COL5A2: variants seen among roughly 807,000 people sequenced by gnomAD.
COL5A2 encodes collagen alpha-2(V) chain.
A neutral mutation model predicts 208.2 loss-of-function variants in COL5A2; 23 were observed. The ratio of observed to expected loss-of-function variants is 0.11; its 90% CI spans 0.08 to 0.16. The LOEUF (loss-of-function observed/expected upper bound fraction) is 0.16, where lower values mean the gene tolerates loss of function less well. Among genes scored for constraint, COL5A2 ranks in the 10% least tolerant of loss-of-function variants. COL5A2 has a pLI of 1.00. For missense variants in COL5A2, 1,590 were observed against 1,956.4 expected, an observed-to-expected ratio of 0.81 and a Z score of 3.53; for synonymous variants, 625 against 628.5, an observed-to-expected ratio of 0.99 and a Z score of 0.08.
At chr2:189,136,600 T>C (rs1401641402) in intron 1 of COL5A2, among the ~76,000 whole-genome samples, 2 of 151,140 alleles carry the variant, frequency 1.3e-5, no homozygotes, top group Non-Finnish European at 3.0e-5. Context: ...ACATAAACAC[T>C]ATGAAATTTT....
chr2:189,190,324 A>T (rs1576580970), intron 1 of COL5A2, among the ~76,000 whole-genome samples: 2 of 152,254 alleles, frequency 1.3e-5, no homozygotes, highest in East Asian at 3.9e-4. Flanking sequence ...TGGAGGAGTG[A>T]GATTTTATAA....
intron 2 of COL5A2, among the ~76,000 whole-genome samples, chr2:189,105,781 T>G (rs1025636987): frequency 6.6e-6 from 1 of 151,540 alleles, no homozygotes; most frequent in Non-Finnish European, 1.5e-5. Context: ...TCATTATGAT[T>G]TAATTTTTCT....
chr2:189,098,772 C>A lies in COL5A2; in HGVS notation c.370-13G>T, dbSNP rs1429218715. ...GTATGCCTGTTACCTAAACAATAAA[C>A]AAGAAAATTTGTAAAGGTAAAGTTT... On this transcript the variant is annotated splice_polypyrimidine_tract_variant and intron_variant, in intron 4 of 53. Coordinates refer to ENST00000374866, the MANE Select transcript of COL5A2 (RefSeq NM_000393.5). 6.2e-6 allele frequency: 10 copies of A among 1,610,828 alleles called. No homozygotes were observed. The South Asian group carries it at 1.1e-4, about 18-fold the overall frequency.
In COL5A2 at chr2:189,192,032, T is replaced by C. The variant is rs559313044; in HGVS notation, c.-42+33116A>G. Among the ~76,000 whole-genome samples, 7 of 152,324 alleles carry C rather than the reference T, an allele frequency of 4.6e-5. No individual in the cohort carries two copies. In the East Asian group the frequency reaches 9.7e-4, roughly 21 times the overall value. On this transcript the variant is annotated intron_variant, in intron 1 of 10. Coordinates refer to the COL5A2 transcript ENST00000649966. ...CCATACATAGATTTGAATTCTGCTT[T>C]TCACATAACAACCTCAACCTATCTT...
chr2:189,214,278 T>C (rs1689252244), intron 1 of COL5A2, among the ~76,000 whole-genome samples: 1 of 152,012 alleles, frequency 6.6e-6, no homozygotes, highest in African/African-American at 2.4e-5. Flanking sequence ...TAGAAATACC[T>C]TAATGTTCAA....
At chr2:189,180,504 A>G (rs1182150102), upstream of COL5A2, among the ~76,000 whole-genome samples, 1 of 152,088 alleles carries the variant, frequency 6.6e-6, no homozygotes, top group Non-Finnish European at 1.5e-5. Flanking sequence ...GAAGTACTCT[A>G]CCTTTGGATG....
upstream of COL5A2, among the ~76,000 whole-genome samples, chr2:189,227,829 A>C (rs1369808203): frequency 2.0e-5 from 3 of 152,020 alleles, no homozygotes; most frequent in Admixed American, 1.3e-4. Flanking sequence ...AAAGAAACAG[A>C]GGACTTGAAG....
the COL5A2 span, among the ~76,000 whole-genome samples, chr2:189,344,104 CATTGAA>C: frequency 4.5e-4 from 69 of 152,250 alleles, no homozygotes; most frequent in Middle Eastern, 3.4e-3. Context: ...CACATAAACA[CATTGAA>C]ATGTGTATAC....
chr2:189,325,584 T>G, the COL5A2 span, among the ~76,000 whole-genome samples: 1 of 152,096 alleles, frequency 6.6e-6, no homozygotes, highest in Non-Finnish European at 1.5e-5. Flanking sequence ...CATATGTTTG[T>G]GTGTGTAATC....
chr2:189,160,853 G>A (rs1382186301), intron 1 of COL5A2, among the ~76,000 whole-genome samples: 6 of 125,858 alleles, frequency 4.8e-5, no homozygotes, highest in Non-Finnish European at 9.7e-5. Flanking sequence ...TTTTTGAGAC[G>A]GAGTTTCACT....
At chr2:189,163,906 G>A (rs1688417709) in intron 1 of COL5A2, among the ~76,000 whole-genome samples, 1 of 152,182 alleles carries the variant, frequency 6.6e-6, no homozygotes. Flanking sequence ...TTATGATGCA[G>A]ATTTCCTGTG....
chr2:189,039,439 T>G lies in COL5A2; in HGVS notation c.3758A>C (p.Glu1253Ala), dbSNP rs1685511850. The change falls in exon 51 of 54, where the codon GAA (glutamate) becomes GCA (alanine). Residue 1253 changes from glutamate (E) to alanine (A), a missense_variant. Transcript: ENST00000374866. ...SMPDPLPEFT[E>A]DQAAPDDKNK... ...TTTGTCATCAGGAGCCGCCTGATCTTCAGTAAACTCAGGAAGTGGATCTGG... is the reference window on the plus strand; with the variant it reads ...TTTGTCATCAGGAGCCGCCTGATCTGCAGTAAACTCAGGAAGTGGATCTGG... The G allele has an allele frequency of 6.2e-7, 1 of 1,614,004 alleles. No individual in the cohort carries two copies. Among genetic ancestry groups the G allele is most frequent in the Non-Finnish European group, 8.5e-7 (1 of 1,180,022 alleles).
chr2:189,186,192 T>G (rs1188433673), intron 1 of COL5A2, among the ~76,000 whole-genome samples: 1 of 152,004 alleles, frequency 6.6e-6, no homozygotes, highest in African/African-American at 2.4e-5. Context: ...GAGATGGGTC[T>G]CTCCATCTTG....
chr2:189,077,679 A>G (rs1418442453), intron 16 of COL5A2, among the ~76,000 whole-genome samples: 1 of 152,188 alleles, frequency 6.6e-6, no homozygotes, highest in Non-Finnish European at 1.5e-5. Context: ...TAAAGTGATA[A>G]AGAATGGCCT....
At chr2:189,360,972 G>GTTT in the COL5A2 span, among the ~76,000 whole-genome samples, 1 of 140,992 alleles carries the variant, frequency 7.1e-6, no homozygotes, top group Non-Finnish European at 1.5e-5. Context: ...TGGCTGTTCT[G>GTTT]TTTTTTTTTT....
chr2:189,355,576 G>A, the COL5A2 span, among the ~76,000 whole-genome samples: 5,539 of 152,122 alleles, frequency 0.036, 117 homozygotes, highest in Admixed American at 0.05. Context: ...TTTAAAGTCT[G>A]TTTTATCAGA....
the COL5A2 span, among the ~76,000 whole-genome samples, chr2:189,392,120 A>G: frequency 6.6e-6 from 1 of 152,278 alleles, no homozygotes; most frequent in South Asian, 2.1e-4. Flanking sequence ...GCATTTTTAC[A>G]TTTATGTATC....
chr2:189,282,571 G>C, the COL5A2 span, among the ~76,000 whole-genome samples: 6 of 152,138 alleles, frequency 3.9e-5, no homozygotes, highest in Non-Finnish European at 7.4e-5. Flanking sequence ...AAATTTATTA[G>C]GCAGAGAGGC....
At chr2:189,296,434 T>G in the COL5A2 span, among the ~76,000 whole-genome samples, 1 of 152,200 alleles carries the variant, frequency 6.6e-6, no homozygotes, top group Non-Finnish European at 1.5e-5. Context: ...TCTGTAGGTC[T>G]GTTTCTAGTG....
Sources: gnomAD v4.1 joint callset for allele counts (sites outside exome capture counted in the v4.1 genomes callset) on GRCh38, gnomAD v4.1.1 for gene constraint, MANE v1.5 for transcripts, NCBI Gene and HGNC (gene_info 2026-07-23, HGNC 2026-07-21) for gene names.